Variants in SH3PXD2A observed in about 807,000 individuals in gnomAD.
SH3PXD2A encodes SH3 and PX domain-containing protein 2A.
A neutral mutation model predicts 115.2 loss-of-function variants in SH3PXD2A; 32 were observed. That is an observed-to-expected ratio of 0.28 (90% CI 0.21 to 0.37). The LOEUF is 0.37. Among genes scored for constraint, SH3PXD2A ranks in the 10% least tolerant of loss-of-function variants. SH3PXD2A has a pLI of 1.00. For synonymous variants in SH3PXD2A, 610 were observed against 629.1 expected (o/e 0.97, Z 0.45); for missense variants, 1,328 against 1,498.7 (o/e 0.89, Z 1.88).
At chr10:103,681,754 G>A (rs201468399) in intron 6 of SH3PXD2A, among the ~76,000 whole-genome samples, 19 of 106,118 alleles carry the variant, frequency 1.8e-4, no homozygotes, top group Admixed American at 2.7e-4. Flanking sequence ...ACACACACAC[G>A]CGCCCGCGCG....
Position 103,724,304 on chromosome 10 carries a change from C to T in SH3PXD2A, c.364G>A (p.Glu122Lys), listed in dbSNP as rs867071115. ...SQCDEVFRFF[E>K]ARPEDVNPPK... ...GGGTTGACATCCTCGGGTCGAGCCTCGAAGAACCGGAAGACTTCGTCACAC... is the reference window on the plus strand; with the variant it reads ...GGGTTGACATCCTCGGGTCGAGCCTTGAAGAACCGGAAGACTTCGTCACAC... The change falls in exon 5 of 15, where the codon GAG becomes AAG. Residue 122 changes from glutamate (E) to lysine (K), a missense_variant. Physicochemically the swap from Glu to Lys is moderately conservative, Grantham distance 56. Around this residue, in one of 5 missense-constraint regions of SH3PXD2A, gnomAD observed 110 missense variants for 160.0 expected, o/e 0.69. Transcript: ENST00000369774. The T allele has an allele frequency of 4.4e-6, 7 of 1,581,676 alleles. No homozygotes were observed. Among genetic ancestry groups the T allele is most frequent in the Non-Finnish European group, 6.0e-6 (7 of 1,166,648 alleles).
chr10:103,778,426 C>A (rs2134238287), intron 2 of SH3PXD2A, among the ~76,000 whole-genome samples: 1 of 152,370 alleles, frequency 6.6e-6, no homozygotes, highest in South Asian at 2.1e-4. Flanking sequence ...TCCCTTGGCA[C>A]TGTTTTACCA....
At chr10:103,682,203 C>T (rs1048960806) in intron 6 of SH3PXD2A, among the ~76,000 whole-genome samples, 13 of 152,206 alleles carry the variant, frequency 8.5e-5, no homozygotes, top group Non-Finnish European at 1.6e-4. Flanking sequence ...CTTGCCACGC[C>T]CCTGCCCCCT....
At chr10:103,794,397 A>G (rs1029201547) in intron 2 of SH3PXD2A, among the ~76,000 whole-genome samples, 1 of 152,246 alleles carries the variant, frequency 6.6e-6, no homozygotes, top group Non-Finnish European at 1.5e-5. Context: ...AAGCAATAGC[A>G]GCATGGTGGA....
intron 13 of SH3PXD2A, among the ~76,000 whole-genome samples, chr10:103,610,544 A>G (rs186197240): frequency 6.6e-6 from 1 of 152,312 alleles, no homozygotes; most frequent in South Asian, 2.1e-4. Context: ...TTTAAAAACC[A>G]TATTTTTATG....
At chr10:103,681,233 A>C (rs1410733631) in intron 6 of SH3PXD2A, among the ~76,000 whole-genome samples, 3 of 28,830 alleles carry the variant, frequency 1.0e-4, no homozygotes, top group Admixed American at 6.7e-4. Context: ...GGGGTAAGAG[A>C]CTTGGGAGTC....
rs1419024696 is a variant in SH3PXD2A at position 103,746,324 on chromosome 10, TTTA to T, written c.230-10519_230-10517del. Among the ~76,000 whole-genome samples the T allele has an allele frequency of 6.7e-6, 1 of 149,474 alleles. No homozygotes were observed. The highest frequency in any genetic ancestry group is 1.5e-5 in the Non-Finnish European group (1 of 66,680). On this transcript the variant is annotated intron_variant, in intron 3 of 14. Transcript: ENST00000369774. The surrounding 1 kb of genome is among the most constrained non-coding windows in gnomAD (Gnocchi z 4.4). ...ACCATTTCTTTCTTTTTTATTTTTA[TTTA>T]TTTATTTATTGAGACAGGGTCTTGC...
At chr10:103,832,812 A>G (rs2039495527) in intron 1 of SH3PXD2A, among the ~76,000 whole-genome samples, 1 of 152,216 alleles carries the variant, frequency 6.6e-6, no homozygotes, top group Non-Finnish European at 1.5e-5. Context: ...TAATGGGTGC[A>G]GCACACCAAC....
chr10:103,611,214 A>G (rs1190181798), intron 13 of SH3PXD2A, among the ~76,000 whole-genome samples: 1 of 152,254 alleles, frequency 6.6e-6, no homozygotes. Context: ...CTGACCAGGG[A>G]AAGCTGAAAG....
intron 8 of SH3PXD2A, among the ~76,000 whole-genome samples, chr10:103,641,717 GGT>G (rs1190570377): frequency 6.6e-6 from 1 of 152,120 alleles, no homozygotes; most frequent in Non-Finnish European, 1.5e-5. Flanking sequence ...AAGAGTCGAG[GGT>G]GTGGCTTTTC....
At chr10:103,701,697 G>GCCAT (rs149215598) in intron 5 of SH3PXD2A, among the ~76,000 whole-genome samples, 4 of 123,760 alleles carry the variant, frequency 3.2e-5, no homozygotes, top group Admixed American at 8.2e-5. Flanking sequence ...CATTCATCCA[G>GCCAT]CCATCCATCC....
At chr10:103,769,411 T>C (rs1168163434) in intron 2 of SH3PXD2A, among the ~76,000 whole-genome samples, 1 of 151,582 alleles carries the variant, frequency 6.6e-6, no homozygotes, top group Non-Finnish European at 1.5e-5. Context: ...TAACAAAAGC[T>C]GGCTCATGAT....
intron 6 of SH3PXD2A, chr10:103,677,959 G>GCC: frequency 2.1e-6 from 1 of 471,812 alleles, no homozygotes; most frequent in South Asian, 1.6e-5. Flanking sequence ...AGGCATACAG[G>GCC]CCTGGCTTGT....
chr10:103,702,596 CGTGTGTGTGT>C (rs6144056), intron 5 of SH3PXD2A, among the ~76,000 whole-genome samples: 1 of 147,448 alleles, frequency 6.8e-6, no homozygotes, highest in Non-Finnish European at 1.5e-5. Flanking sequence ...TGTGTGTGTG[CGTGTGTGTGT>C]GTGTGTGCAT....
chr10:103,703,039 C>T (rs1187753436), intron 5 of SH3PXD2A, among the ~76,000 whole-genome samples: 2 of 152,226 alleles, frequency 1.3e-5, no homozygotes, highest in African/African-American at 4.8e-5. Flanking sequence ...AACTCCCCAG[C>T]CCTGGCCTAG....
chr10:103,837,531 G>A (rs1041906027), intron 1 of SH3PXD2A, among the ~76,000 whole-genome samples: 6 of 152,208 alleles, frequency 3.9e-5, no homozygotes, highest in Non-Finnish European at 8.8e-5. Context: ...AAGCTTCCCT[G>A]GGGCCATGGC....
In SH3PXD2A at chr10:103,806,665, G is replaced by A. The variant is rs571530989; in HGVS notation, c.73-5303C>T. Among the ~76,000 whole-genome samples, 4 of 152,260 alleles carry A rather than the reference G, an allele frequency of 2.6e-5. No individual in the cohort carries two copies. In the South Asian group the frequency reaches 6.2e-4, roughly 24 times the overall value. ...GCAATTAAATATCCTGCTTCCAAAC[G>A]CTTTACTTGGGGTTATGTTTCACGG... is the stretch of plus-strand genomic sequence containing the variant. On this transcript the variant is annotated intron_variant, in intron 1 of 14. Coordinates refer to ENST00000369774, the MANE Select transcript of SH3PXD2A (RefSeq NM_001394015.1).
In SH3PXD2A at chr10:103,603,281, C is replaced by A; in HGVS notation, c.1937G>T (p.Gly646Val). ...CCTGGTCAGGGACAGCGAGGAGCTG[C>A]CTGGGGAGTCGCTGTCCCCGGAGGA... The part of the protein sequence containing the change: ...RGSSGDSDSP[G>V]SSSLSLTRKN... Residue 646 changes from glycine (G) to valine (V), a missense_variant, in exon 15 of 15, where the codon GGC (glycine) becomes GTC (valine). Transcript: ENST00000369774. 1 of 1,613,956 alleles carries A rather than the reference C, an allele frequency of 6.2e-7. No homozygotes were observed. The highest frequency in any genetic ancestry group is 8.5e-7 in the Non-Finnish European group (1 of 1,179,966).
intron 6 of SH3PXD2A, among the ~76,000 whole-genome samples, chr10:103,672,250 A>C (rs976106915): frequency 6.6e-6 from 1 of 152,146 alleles, no homozygotes; most frequent in Admixed American, 6.5e-5. Flanking sequence ...GTGCCACTGC[A>C]CTCCAGCCTG....
Sources: gnomAD v4.1 joint callset for allele counts (sites outside exome capture counted in the v4.1 genomes callset) on GRCh38, gnomAD v4.1.1 for gene constraint, gnomAD v4.1.1 regional missense constraint, Gnocchi (gnomAD v3.1) non-coding constraint, MANE v1.5 for transcripts, NCBI Gene and HGNC (gene_info 2026-07-23, HGNC 2026-07-21) for gene names.